PTPRT: variants seen among roughly 807,000 people sequenced by gnomAD.
The protein encoded by PTPRT is receptor-type tyrosine-protein phosphatase T.
In PTPRT, 56 loss-of-function variants were observed where a neutral mutation model predicts 176.8. The ratio of observed to expected loss-of-function variants is 0.32; its 90% CI spans 0.26 to 0.40. The LOEUF (loss-of-function observed/expected upper bound fraction) is 0.40. Ranked by LOEUF, PTPRT falls within the 10% of genes least tolerant of loss-of-function variation. PTPRT has a pLI of 1.00. For synonymous variants in PTPRT, 783 were observed against 739.0 expected (o/e 1.06, Z -0.96); for missense variants, 1,540 against 1,908.2 (o/e 0.81, Z 3.60).
At chr20:42,487,803 G>C (rs758536131) in intron 7 of PTPRT, among the ~76,000 whole-genome samples, 1 of 152,172 alleles carries the variant, frequency 6.6e-6, no homozygotes, top group Admixed American at 6.5e-5. Context: ...ATGGTGAATT[G>C]TTATAGCGGC....
intron 16 of PTPRT, among the ~76,000 whole-genome samples, chr20:42,163,477 G>A (rs1360887884): frequency 6.6e-6 from 1 of 152,190 alleles, no homozygotes; most frequent in Non-Finnish European, 1.5e-5. Flanking sequence ...TTGCTTAAAT[G>A]TACCACTTGG....
At chr20:42,792,943 A>G (rs2077398402) in intron 2 of PTPRT, among the ~76,000 whole-genome samples, 1 of 152,184 alleles carries the variant, frequency 6.6e-6, no homozygotes, top group Non-Finnish European at 1.5e-5. Flanking sequence ...ATTATTCACA[A>G]AGTAACTTGG....
At chr20:42,101,590 C>T (rs1382339492) in intron 26 of PTPRT, among the ~76,000 whole-genome samples, 2 of 152,190 alleles carry the variant, frequency 1.3e-5, no homozygotes, top group African/African-American at 2.4e-5. Context: ...ACACAGCCCG[C>T]TTCCACCCCA....
chr20:42,173,753 C>G (rs1990169381), intron 16 of PTPRT, among the ~76,000 whole-genome samples: 2 of 152,004 alleles, frequency 1.3e-5, no homozygotes, highest in South Asian at 2.1e-4. Flanking sequence ...TGTTGCACCA[C>G]AAAGAAGAAG....
At chr20:42,464,587 T>C (rs1223175034) in intron 8 of PTPRT, among the ~76,000 whole-genome samples, 2 of 152,202 alleles carry the variant, frequency 1.3e-5, no homozygotes, top group Non-Finnish European at 2.9e-5. Context: ...TAGTGTGCAC[T>C]TGAAAAACAT....
intron 1 of PTPRT, among the ~76,000 whole-genome samples, chr20:42,897,772 A>G (rs1247389619): frequency 6.6e-6 from 1 of 152,102 alleles, no homozygotes; most frequent in Non-Finnish European, 1.5e-5. Context: ...TGTAACTTCT[A>G]TGTGCTTCAT....
chr20:42,631,447 C>T (rs973262536), intron 7 of PTPRT, among the ~76,000 whole-genome samples: 1 of 152,114 alleles, frequency 6.6e-6, no homozygotes, highest in Non-Finnish European at 1.5e-5. Context: ...CCCTGAGAAG[C>T]AGACTCTGAG....
At chr20:43,041,170 A>G (rs3091991) in intron 1 of PTPRT, among the ~76,000 whole-genome samples, 48,223 of 152,104 alleles carry the variant, frequency 0.32, 10,588 homozygotes, top group African/African-American at 0.62. Flanking sequence ...GAGAGCTTAA[A>G]TGACTTGCTT....
chr20:43,018,059 C>T (rs1985457697), intron 1 of PTPRT, among the ~76,000 whole-genome samples: 1 of 152,118 alleles, frequency 6.6e-6, no homozygotes. Flanking sequence ...TATGATTTTT[C>T]CTATTCTGCA....
intron 16 of PTPRT, among the ~76,000 whole-genome samples, chr20:42,198,014 C>T (rs1277109685): frequency 6.6e-6 from 1 of 152,144 alleles, no homozygotes; most frequent in Non-Finnish European, 1.5e-5. Context: ...CTCAGTTGGG[C>T]CCCACCTCTC....
intron 16 of PTPRT, among the ~76,000 whole-genome samples, chr20:42,167,675 C>T (rs1391286040): frequency 6.6e-6 from 1 of 152,168 alleles, no homozygotes; most frequent in Non-Finnish European, 1.5e-5. Context: ...GAAGAGGAGG[C>T]TGGGTCACCT....
intron 15 of PTPRT, among the ~76,000 whole-genome samples, chr20:42,200,639 C>T (rs1048513997): frequency 6.6e-6 from 1 of 152,294 alleles, no homozygotes; most frequent in Admixed American, 6.5e-5. Flanking sequence ...ATTAGAGATA[C>T]AAAAATATGA....
chr20:43,034,469 T>C (rs1343214118), intron 1 of PTPRT, among the ~76,000 whole-genome samples: 3 of 151,108 alleles, frequency 2.0e-5, no homozygotes, highest in Non-Finnish European at 4.4e-5. Flanking sequence ...TCCAAACTCC[T>C]ACAGTCCTCC....
intron 1 of PTPRT, among the ~76,000 whole-genome samples, chr20:43,153,693 C>T (rs1416097908): frequency 6.6e-6 from 1 of 152,084 alleles, no homozygotes; most frequent in African/African-American, 2.4e-5. Context: ...CAATAAAGGT[C>T]GCATGCTACC....
intron 7 of PTPRT, among the ~76,000 whole-genome samples, chr20:42,484,372 A>G (rs1316879617): frequency 6.6e-6 from 1 of 152,190 alleles, no homozygotes; most frequent in Admixed American, 6.5e-5. Context: ...CTTAACTACA[A>G]TTACTCCCTA....
Position 42,161,542 on chromosome 20 carries a change from G to T in PTPRT, c.2492C>A (p.Thr831Lys), listed in dbSNP as rs1989598599. The T allele has an allele frequency of 6.2e-7, 1 of 1,601,660 alleles. No homozygotes were observed. The highest frequency in any genetic ancestry group is 8.5e-7 in the Non-Finnish European group (1 of 1,174,252). The stretch of plus-strand genomic sequence containing the variant: ...GGAAAGCTCCCCGCGGCTGCCATCT[G>T]CTTCGAAAAGAAGGAGGCAGAACAG... ...SSSSQDVNGF[T>K]DGSRGELSQP... Residue 831 changes from threonine to lysine, a missense_variant and splice_region_variant, in exon 17 of 31, where the codon ACA becomes AAA. Physicochemically the swap from Thr to Lys is moderately conservative, Grantham distance 78 (BLOSUM62 -1). Coordinates refer to ENST00000373187, the MANE Select transcript of PTPRT (RefSeq NM_007050.6).
chr20:42,264,943 G>C (rs1263244365), intron 13 of PTPRT, among the ~76,000 whole-genome samples: 1 of 152,156 alleles, frequency 6.6e-6, no homozygotes, highest in African/African-American at 2.4e-5. Context: ...GATTCAGTCT[G>C]CCTGAATCTT....
At chr20:42,889,356 C>G (rs1375850873) in intron 1 of PTPRT, among the ~76,000 whole-genome samples, 2 of 152,220 alleles carry the variant, frequency 1.3e-5, no homozygotes, top group South Asian at 2.1e-4. Flanking sequence ...ATTTTCAAAC[C>G]ACAGTCCTCT....
At chr20:42,061,365 C>T in the PTPRT span, among the ~76,000 whole-genome samples, 29 of 152,192 alleles carry the variant, frequency 1.9e-4, no homozygotes, top group Non-Finnish European at 3.5e-4. Context: ...AATGAGCCCG[C>T]GCAGTGCAGA....
Sources: gnomAD v4.1 joint callset for allele counts (sites outside exome capture counted in the v4.1 genomes callset) on GRCh38, gnomAD v4.1.1 for gene constraint, MANE v1.5 for transcripts, NCBI Gene and HGNC (gene_info 2026-07-23, HGNC 2026-07-21) for gene names.